PCDHA1: variants seen among roughly 807,000 people sequenced by gnomAD.
PCDHA1 encodes protocadherin alpha-1.
Under a neutral mutation model 61.3 loss-of-function variants are expected in PCDHA1, and 42 were observed. The ratio of observed to expected loss-of-function variants is 0.69; its 90% CI spans 0.54 to 0.89. The LOEUF (loss-of-function observed/expected upper bound fraction) is 0.89, where lower values mean the gene tolerates loss of function less well. Among genes scored for constraint, PCDHA1 ranks in the 40% least tolerant of loss-of-function variants. The pLI is 0.00. For synonymous variants in PCDHA1, 610 were observed against 553.8 expected, an observed-to-expected ratio of 1.10 and a Z score of -1.43; for missense variants, 1,256 against 1,235.3, an observed-to-expected ratio of 1.02 and a Z score of -0.25.
chr5:140,796,210 G>C (rs782513202), intron 1 of PCDHA1: 1 of 1,614,190 alleles, frequency 6.2e-7, no homozygotes, highest in Non-Finnish European at 8.5e-7. Flanking sequence ...CCTGGACCGC[G>C]AGAGCGTGTC....
intron 1 of PCDHA1, chr5:140,849,320 G>A (rs1562454724): frequency 1.5e-6 from 2 of 1,335,992 alleles, no homozygotes; most frequent in East Asian, 2.4e-5. Context: ...GCTTGAATGG[G>A]GATATTATTT....
intron 1 of PCDHA1, chr5:140,823,563 G>C: frequency 6.2e-7 from 1 of 1,613,948 alleles, no homozygotes; most frequent in Non-Finnish European, 8.5e-7. Context: ...TGCGCGCAGT[G>C]GACCCTGATT....
chr5:140,868,148 T>C (rs980442760), intron 1 of PCDHA1: 1 of 152,150 alleles, frequency 6.6e-6, no homozygotes, highest in African/African-American at 2.4e-5. Context: ...ATTGATTCTG[T>C]TACATAAAGT....
At chr5:140,919,254 T>A (rs1554198989) in intron 1 of PCDHA1, among the ~76,000 whole-genome samples, 1 of 152,266 alleles carries the variant, frequency 6.6e-6, no homozygotes. Context: ...CTGTTTTGTC[T>A]GATATTAGTG....
At chr5:140,988,831 A>G (rs1005821454) in intron 3 of PCDHA1, 6 of 152,208 alleles carry the variant, frequency 3.9e-5, no homozygotes, top group Non-Finnish European at 7.3e-5. Flanking sequence ...AACAGAGATC[A>G]CGTGTCTCCT....
At chr5:140,809,824 C>T (rs1562227381) in intron 1 of PCDHA1, 3 of 381,262 alleles carry the variant, frequency 7.9e-6, no homozygotes, top group Non-Finnish European at 9.3e-6. Flanking sequence ...TATATTCACC[C>T]TCTTTGTTTT....
At chr5:140,949,219 C>T (rs543953096) in intron 1 of PCDHA1, among the ~76,000 whole-genome samples, 3 of 151,842 alleles carry the variant, frequency 2.0e-5, no homozygotes, top group African/African-American at 7.2e-5. Flanking sequence ...TCTGTTTAGA[C>T]TTGTTCTGTG....
intron 2 of PCDHA1, among the ~76,000 whole-genome samples, chr5:140,979,661 GTCTC>G (rs2096859733): frequency 6.6e-6 from 1 of 152,146 alleles, no homozygotes; most frequent in South Asian, 2.1e-4. Context: ...TCTCTACTTT[GTCTC>G]TCTGACAGTA....
At chr5:140,836,137 TG>T in intron 1 of PCDHA1, 1 of 1,613,712 alleles carries the variant, frequency 6.2e-7, no homozygotes, top group Non-Finnish European at 8.5e-7. Context: ...CCGCGGTCTG[TG>T]GGCGCGGGCC....
chr5:140,889,089 A>G (rs1186785152), intron 1 of PCDHA1, among the ~76,000 whole-genome samples: 2 of 151,884 alleles, frequency 1.3e-5, no homozygotes, highest in Non-Finnish European at 2.9e-5. Flanking sequence ...AATTTTCAAA[A>G]CAATTTTTTC....
chr5:140,928,334 C>CT, intron 1 of PCDHA1: 1 of 1,614,158 alleles, frequency 6.2e-7, no homozygotes, highest in Non-Finnish European at 8.5e-7. Flanking sequence ...GGCCTTGTCT[C>CT]TTATGAGCTG....
At chr5:140,800,478 G>A (rs1185491265) in intron 1 of PCDHA1, among the ~76,000 whole-genome samples, 1 of 152,102 alleles carries the variant, frequency 6.6e-6, no homozygotes, top group African/African-American at 2.4e-5. Flanking sequence ...AATATATACA[G>A]CACACACACA....
At chr5:140,791,816 T>G (rs956453797) in intron 1 of PCDHA1, among the ~76,000 whole-genome samples, 1 of 152,222 alleles carries the variant, frequency 6.6e-6, no homozygotes, top group Non-Finnish European at 1.5e-5. Flanking sequence ...CTCCCCTTGT[T>G]GTTTTTTTCT....
At chr5:140,841,821 T>A in intron 1 of PCDHA1, 1 of 1,613,940 alleles carries the variant, frequency 6.2e-7, no homozygotes. Flanking sequence ...GCTAACTCCG[T>A]GTTAACCTAC....
At chr5:140,924,416 T>G (rs1283567998) in intron 1 of PCDHA1, among the ~76,000 whole-genome samples, 1 of 152,192 alleles carries the variant, frequency 6.6e-6, no homozygotes, top group African/African-American at 2.4e-5. Context: ...CAGTGTGCCC[T>G]TTCTAGTTCC....
intron 1 of PCDHA1, chr5:140,871,434 A>G (rs781977570): frequency 1.9e-6 from 3 of 1,612,514 alleles, no homozygotes; most frequent in Non-Finnish European, 2.5e-6. Context: ...GTCTTCCTCT[A>G]GGTCTGAATA....
intron 1 of PCDHA1, chr5:140,862,463 G>C (rs2047375519): frequency 2.7e-6 from 1 of 370,738 alleles, no homozygotes. Flanking sequence ...TGGACCAAGA[G>C]AGCAAATCTA....
chr5:140,927,870 G>A (rs1302526715), intron 1 of PCDHA1: 1 of 1,614,100 alleles, frequency 6.2e-7, no homozygotes. Context: ...CCGCTAAACT[G>A]CTGGTGGAGG....
intron 1 of PCDHA1, among the ~76,000 whole-genome samples, chr5:140,910,102 A>G (rs1206018595): frequency 2.6e-5 from 4 of 152,184 alleles, no homozygotes; most frequent in African/African-American, 9.7e-5. Context: ...CCTCCCCTTC[A>G]TTTAAGGGAT....
Sources: gnomAD v4.1 joint callset for allele counts (sites outside exome capture counted in the v4.1 genomes callset) on GRCh38, gnomAD v4.1.1 for gene constraint, MANE v1.5 for transcripts, NCBI Gene and HGNC (gene_info 2026-07-23, HGNC 2026-07-21) for gene names.